MED13L: variants seen among roughly 807,000 people sequenced by gnomAD.
The protein encoded by MED13L is mediator complex subunit 13L, also known as mediator of RNA polymerase II transcription subunit 13-like.
MED13L carries 7 observed loss-of-function variants against 220.9 expected under a neutral mutation model. That is an observed-to-expected ratio of 0.03 (90% CI 0.02 to 0.06). The LOEUF is 0.06. Ranked by LOEUF, MED13L falls within the 10% of genes least tolerant of loss-of-function variation. The pLI is 1.00. For synonymous variants in MED13L, 1,011 were observed against 1,015.2 expected, an observed-to-expected ratio of 1.00 and a Z score of 0.08; for missense variants, 1,965 against 2,760.5, an observed-to-expected ratio of 0.71 and a Z score of 6.46.
At chr12:116,246,206 CAAAAAAA>C (rs77427246) in intron 1 of MED13L, among the ~76,000 whole-genome samples, 1 of 100,270 alleles carries the variant, frequency 1.0e-5, no homozygotes, top group Non-Finnish European at 2.1e-5. Flanking sequence ...TTTAGACATG[CAAAAAAA>C]AAAAAAAAGC....
At chr12:116,205,942 G>GTTTTTTTTTT (rs11295233) in intron 2 of MED13L, among the ~76,000 whole-genome samples, 1 of 125,294 alleles carries the variant, frequency 8.0e-6, no homozygotes, top group Admixed American at 7.8e-5. Context: ...CTAAAAACTT[G>GTTTTTTTTTT]TTTTTTTTTT....
At chr12:116,276,303 T>C (rs1873812378) in intron 1 of MED13L, 2 of 483,806 alleles carry the variant, frequency 4.1e-6, no homozygotes, top group East Asian at 9.6e-5. Flanking sequence ...ACCAGCTTGT[T>C]GCTTTTGTGT....
In MED13L at chr12:116,138,345, T is replaced by A. The variant is rs982576542; in HGVS notation, c.311-26833A>T. On this transcript the variant is annotated intron_variant, in intron 2 of 30. Transcript: ENST00000281928. Reference sequence around the variant, plus strand: ...CTTTTTACATATCAGGGTTTGTTGCTGTTACGTACAGGGACTGGAGTACAG... The same window carrying A: ...CTTTTTACATATCAGGGTTTGTTGCAGTTACGTACAGGGACTGGAGTACAG... 2.6e-5 allele frequency among the ~76,000 whole-genome samples: 4 copies of A among 152,244 alleles called. No individual in the cohort carries two copies. In the South Asian group the frequency reaches 8.3e-4, roughly 32 times the overall value.
intron 4 of MED13L, among the ~76,000 whole-genome samples, chr12:116,088,773 C>T (rs1332640394): frequency 1.3e-5 from 2 of 148,598 alleles, no homozygotes; most frequent in African/African-American, 5.0e-5. Context: ...AAAATTCAGC[C>T]AAAATTAACT....
chr12:116,239,301 T>A (rs761384375), intron 1 of MED13L, among the ~76,000 whole-genome samples: 1 of 152,194 alleles, frequency 6.6e-6, no homozygotes. Context: ...ATTTAGGGTT[T>A]CCCTATATGT....
intron 4 of MED13L, among the ~76,000 whole-genome samples, chr12:116,073,220 A>T (rs1425519143): frequency 1.3e-5 from 2 of 152,130 alleles, no homozygotes; most frequent in African/African-American, 4.8e-5. Context: ...TTTTTAAAAA[A>T]AAGTACTTAA....
intron 4 of MED13L, among the ~76,000 whole-genome samples, chr12:116,083,270 G>A (rs1241642128): frequency 6.6e-6 from 1 of 151,890 alleles, no homozygotes; most frequent in Non-Finnish European, 1.5e-5. Context: ...TAGGCATGGT[G>A]GTACATGCCT....
chr12:115,986,401 C>G lies in MED13L; in HGVS notation c.4203G>C (p.Leu1401Phe), dbSNP rs758978758. The change falls in exon 19 of 31, where the codon TTG (leucine) becomes TTC (phenylalanine). Residue 1401 changes from leucine to phenylalanine, a missense_variant. Physicochemically the swap from Leu to Phe is conservative, Grantham distance 22. Coordinates refer to ENST00000281928, the MANE Select transcript of MED13L (RefSeq NM_015335.5). ...KDFLTISPFS[L>F]PFWERLLLDP... ...CCAACAAGAGCCTCTCCCAAAACGGCAAGGAGAATGGCGAGATGGTGAGGA... is the reference window on the plus strand; with the variant it reads ...CCAACAAGAGCCTCTCCCAAAACGGGAAGGAGAATGGCGAGATGGTGAGGA... 1 of 1,613,962 alleles carries G rather than the reference C, an allele frequency of 6.2e-7. No homozygotes were observed. Among genetic ancestry groups the G allele is most frequent in the African/African-American group, 1.3e-5 (1 of 74,898 alleles).
rs1218505742 is a variant in MED13L at position 116,069,555 on chromosome 12, A to G, written c.479+27114T>C. The stretch of plus-strand genomic sequence containing the variant: ...GGTACTGACTTTTTAGCTATCAATT[A>G]CTTGCACAGATTAAGGTCTAATGAA... On this transcript the variant is annotated intron_variant, in intron 4 of 30. Transcript: ENST00000281928. 2.0e-5 allele frequency among the ~76,000 whole-genome samples: 3 copies of G among 152,346 alleles called. No homozygotes were observed. The East Asian group carries it at 5.8e-4, about 29-fold the overall frequency.
intron 4 of MED13L, 98 bp from the exon 5 acceptor site, chr12:116,022,699 CG>C: frequency 7.7e-7 from 1 of 1,305,098 alleles, no homozygotes; most frequent in Non-Finnish European, 1.1e-6. Context: ...CTTTATCAAC[CG>C]TCCAGTAAGG....
At chr12:116,227,662 T>A (rs1439753703) in intron 2 of MED13L, among the ~76,000 whole-genome samples, 1 of 152,184 alleles carries the variant, frequency 6.6e-6, no homozygotes, top group East Asian at 1.9e-4. Context: ...ATTGTATGTG[T>A]TCTGACTGCT....
intron 2 of MED13L, among the ~76,000 whole-genome samples, chr12:116,173,909 G>T (rs561427602): frequency 6.6e-6 from 1 of 152,132 alleles, no homozygotes; most frequent in African/African-American, 2.4e-5. Flanking sequence ...GACCAGCCTG[G>T]GCAACATAAC....
chr12:116,156,000 A>G (rs1237170915), intron 2 of MED13L, among the ~76,000 whole-genome samples: 3 of 130,636 alleles, frequency 2.3e-5, no homozygotes, highest in Non-Finnish European at 5.4e-5. Flanking sequence ...TACTCAACTC[A>G]ATAAGGGAAA....
chr12:116,005,026 G>C (rs575488394), intron 13 of MED13L, among the ~76,000 whole-genome samples: 13 of 152,166 alleles, frequency 8.5e-5, no homozygotes, highest in Non-Finnish European at 1.9e-4. Context: ...CAAGTATAAG[G>C]GTGGTAATTT....
At chr12:116,078,924 A>C (rs1007486957) in intron 4 of MED13L, among the ~76,000 whole-genome samples, 18 of 152,314 alleles carry the variant, frequency 1.2e-4, no homozygotes, top group Admixed American at 8.5e-4. Context: ...AGCAGGTCAA[A>C]ACTATTTCAG....
chr12:115,973,950 G>A (rs1012794810), intron 25 of MED13L, among the ~76,000 whole-genome samples: 10 of 152,088 alleles, frequency 6.6e-5, no homozygotes, highest in African/African-American at 2.2e-4. Flanking sequence ...TGTAGGAAGC[G>A]AGGTACACTT....
chr12:116,013,555 A>T (rs556813766), intron 8 of MED13L, among the ~76,000 whole-genome samples: 1 of 152,352 alleles, frequency 6.6e-6, no homozygotes, highest in African/African-American at 2.4e-5. Context: ...CTAAAAAAAA[A>T]TCTGAAATCC....
intron 4 of MED13L, among the ~76,000 whole-genome samples, chr12:116,043,137 A>C (rs894681882): frequency 6.6e-6 from 1 of 152,158 alleles, no homozygotes; most frequent in African/African-American, 2.4e-5. Context: ...TACCACCTTA[A>C]ACCTCAGGAA....
At chr12:116,089,809 C>T (rs1363570748) in intron 4 of MED13L, among the ~76,000 whole-genome samples, 1 of 152,182 alleles carries the variant, frequency 6.6e-6, no homozygotes, top group Non-Finnish European at 1.5e-5. Context: ...CCCCATGTTA[C>T]TGAGATGCCA....
Sources: allele counts gnomAD v4.1 joint callset (sites outside exome capture counted in the v4.1 genomes callset), GRCh38; gene constraint gnomAD v4.1.1; transcripts MANE v1.5; gene names NCBI Gene and HGNC (gene_info 2026-07-23, HGNC 2026-07-21).